The following ZNF214 variants were observed in gnomAD, a reference collection of about 807,000 sequenced individuals.
The protein encoded by ZNF214 is zinc finger protein 214, also known as BWSCR2-associated zinc finger protein 1.
A neutral mutation model predicts 53.9 loss-of-function variants in ZNF214; 43 were observed. The ratio of observed to expected loss-of-function variants is 0.80; its 90% CI spans 0.63 to 1.03. ZNF214 has a LOEUF of 1.03. ZNF214 is among the 50% of genes least tolerant of loss of function. The pLI is 0.00. For synonymous variants in ZNF214, 217 were observed against 229.5 expected (o/e 0.95, Z 0.49); for missense variants, 724 against 719.1 (o/e 1.01, Z -0.08).
intron 1 of ZNF214, among the ~76,000 whole-genome samples, chr11:7,009,218 T>C (rs1195072227): frequency 2.0e-5 from 3 of 149,364 alleles, no homozygotes; most frequent in Non-Finnish European, 3.0e-5. Flanking sequence ...GGTACTGATA[T>C]GAAAACAGAC....
intron 2 of ZNF214, 72 bp downstream of exon 2, chr11:7,002,637 T>A: frequency 6.9e-7 from 1 of 1,446,540 alleles, no homozygotes; most frequent in Non-Finnish European, 9.1e-7. Flanking sequence ...AACACCCAGA[T>A]AAAAAAACAA....
rs1851274225 is a variant in ZNF214, at chr11:6,999,820, T to A, written c.*42A>T. 1 of 1,544,190 alleles carries A rather than the reference T, an allele frequency of 6.5e-7. No homozygotes were observed. Among genetic ancestry groups the A allele is most frequent in the African/African-American group, 1.4e-5 (1 of 72,818 alleles). ...AGCAGGATTTATAGGGTTTAAAGGTTAGGTAAACTTTGATTAAAGCTGTTA... is the reference window on the plus strand; with the variant it reads ...AGCAGGATTTATAGGGTTTAAAGGTAAGGTAAACTTTGATTAAAGCTGTTA... On this transcript the variant is annotated 3_prime_UTR_variant, in exon 3 of 3. Coordinates refer to ENST00000278314, the MANE Select transcript of ZNF214 (RefSeq NM_013249.4).
intron 1 of ZNF214, among the ~76,000 whole-genome samples, chr11:7,016,677 T>C (rs1851777937): frequency 6.6e-6 from 1 of 152,184 alleles, no homozygotes; most frequent in Non-Finnish European, 1.5e-5. Flanking sequence ...GTAATTTGTA[T>C]ATGAAAAGGT....
chr11:7,015,460 C>T (rs145324383), intron 1 of ZNF214, among the ~76,000 whole-genome samples: 1 of 151,876 alleles, frequency 6.6e-6, no homozygotes, highest in South Asian at 2.1e-4. Context: ...CCGTGTAATC[C>T]CAGCTACTTG....
At chr11:7,015,137 G>A (rs1392391874) in intron 1 of ZNF214, among the ~76,000 whole-genome samples, 1 of 141,416 alleles carries the variant, frequency 7.1e-6, no homozygotes, top group Non-Finnish European at 1.5e-5. Flanking sequence ...TGTTGCCCAC[G>A]CTGGAGTGCG....
At position 7,000,222 on chromosome 11, in the gene ZNF214, A is replaced by C. The variant is rs557382144; in HGVS notation, c.1461T>G (p.Thr487=). ...TCTCTCCAGTATGTACTCTTTGATG[A>C]GTGTGAAGCTTTGAACTCTTACTGA... ...KGFSKSSKLH[T]HQRVHTGEKP... Residue 487 remains threonine, a synonymous_variant, in exon 3 of 3, where the codon ACT becomes ACG. Coordinates refer to ENST00000278314, the MANE Select transcript of ZNF214 (RefSeq NM_013249.4). 1 of 1,613,330 alleles carries C rather than the reference A, an allele frequency of 6.2e-7. No homozygotes were observed. The highest frequency in any genetic ancestry group is 1.3e-5 in the African/African-American group (1 of 74,966).
chr11:7,010,025 A>G (rs1271896058), intron 1 of ZNF214, among the ~76,000 whole-genome samples: 1 of 152,164 alleles, frequency 6.6e-6, no homozygotes, highest in Non-Finnish European at 1.5e-5. Context: ...TTTCTCAAAG[A>G]ACTTAAAACA....
At chr11:7,006,371 C>T (rs1242781386) in intron 1 of ZNF214, among the ~76,000 whole-genome samples, 2 of 152,178 alleles carry the variant, frequency 1.3e-5, no homozygotes, top group East Asian at 3.9e-4. Flanking sequence ...TCTATGAACA[C>T]AGCTCTCTCC....
intron 1 of ZNF214, among the ~76,000 whole-genome samples, chr11:7,003,148 T>C (rs1218687944): frequency 1.3e-5 from 2 of 152,026 alleles, no homozygotes; most frequent in Non-Finnish European, 2.9e-5. Context: ...ACTACTATTA[T>C]GCATTTTAGA....
At chr11:7,006,492 A>G (rs1851475596) in intron 1 of ZNF214, among the ~76,000 whole-genome samples, 2 of 152,078 alleles carry the variant, frequency 1.3e-5, no homozygotes, top group African/African-American at 4.8e-5. Context: ...TGCTTATACA[A>G]TTTGAAATGG....
intron 1 of ZNF214, among the ~76,000 whole-genome samples, chr11:7,009,117 T>G (rs1851545640): frequency 1.3e-5 from 2 of 151,586 alleles, no homozygotes; most frequent in African/African-American, 2.4e-5. Context: ...GGAGCCCAAA[T>G]AGCCAAGGCA....
chr11:7,013,547 C>T (rs868698776), intron 1 of ZNF214, among the ~76,000 whole-genome samples: 25 of 152,234 alleles, frequency 1.6e-4, no homozygotes, highest in African/African-American at 6.0e-4. Flanking sequence ...TTGACCTCCA[C>T]ATTCTCACCA....
At chr11:7,018,964 C>A (rs186287324) in intron 1 of ZNF214, among the ~76,000 whole-genome samples, 1 of 152,272 alleles carries the variant, frequency 6.6e-6, no homozygotes, top group Non-Finnish European at 1.5e-5. Flanking sequence ...AAGCGAGGAA[C>A]GTTTTCTGTC....
At chr11:7,011,703 G>A (rs1851609178) in intron 1 of ZNF214, among the ~76,000 whole-genome samples, 1 of 151,898 alleles carries the variant, frequency 6.6e-6, no homozygotes, top group South Asian at 2.1e-4. Flanking sequence ...ACAAGAATTA[G>A]AAGCAAAAAT....
chr11:7,018,494 A>ATTTT (rs1589849894), intron 1 of ZNF214, among the ~76,000 whole-genome samples: 1 of 70,416 alleles, frequency 1.4e-5, no homozygotes, highest in African/African-American at 5.2e-5. Context: ...CAATGTTAAG[A>ATTTT]CTTTTTTTTT....
At position 7,000,935 on chromosome 11, in the gene ZNF214, A is replaced by G; in HGVS notation, c.748T>C (p.Ser250Pro). 1 of 1,613,056 alleles carries G rather than the reference A, an allele frequency of 6.2e-7. No individual in the cohort carries two copies. ...NQPGENLCQC[S>P]ICKACFSQRS... The stretch of plus-strand genomic sequence containing the variant: ...TGAGAGAAGCATGCTTTACAGATGG[A>G]GCATTGACAGAGGTTTTCTCCAGGT... The change falls in exon 3 of 3, where the codon TCC (serine) becomes CCC (proline). Residue 250 changes from serine (S) to proline (P), a missense_variant. Coordinates refer to ENST00000278314, the MANE Select transcript of ZNF214 (RefSeq NM_013249.4).
In ZNF214 at chr11:6,998,176, T is replaced by C. The variant is rs1208536421; in HGVS notation, c.*1686A>G. The stretch of plus-strand genomic sequence containing the variant: ...CTGAACGTGCTGCTCCATTGCCTTC[T>C]GAGTTACTGTTGCAGAGCTCTGTAT... On this transcript the variant is annotated 3_prime_UTR_variant, in exon 3 of 3. Coordinates refer to ENST00000278314, the MANE Select transcript of ZNF214 (RefSeq NM_013249.4). 6.6e-6 allele frequency among the ~76,000 whole-genome samples: 1 copy of C among 152,014 alleles called. No homozygotes were observed. Among genetic ancestry groups the C allele is most frequent in the East Asian group, 1.9e-4 (1 of 5,186 alleles).
intron 1 of ZNF214, among the ~76,000 whole-genome samples, chr11:7,008,873 A>C (rs1289719813): frequency 1.3e-5 from 2 of 152,160 alleles, no homozygotes; most frequent in South Asian, 2.1e-4. Flanking sequence ...GCATACTGCT[A>C]ACCAGGGAGG....
chr11:7,019,393 A>G lies in ZNF214; in HGVS notation c.-21+680T>C, dbSNP rs189191882. Among the ~76,000 whole-genome samples, 10 of 152,336 alleles carry G rather than the reference A, an allele frequency of 6.6e-5. No homozygotes were observed. The East Asian group carries it at 1.9e-3, about 29-fold the overall frequency. On this transcript the variant is annotated intron_variant, in intron 1 of 2. Transcript: ENST00000278314. The stretch of plus-strand genomic sequence containing the variant: ...TACAACTCACTTATTTATTGAGATT[A>G]TTATTACTACTAACAATAATAGGAA...
Sources: gnomAD v4.1 joint callset for allele counts (sites outside exome capture counted in the v4.1 genomes callset) on GRCh38, gnomAD v4.1.1 for gene constraint, MANE v1.5 for transcripts, NCBI Gene and HGNC (gene_info 2026-07-23, HGNC 2026-07-21) for gene names.